L3MBTL4: variants seen among roughly 807,000 people sequenced by gnomAD.
The protein encoded by L3MBTL4 is lethal(3)malignant brain tumor-like protein 4.
A neutral mutation model predicts 84.5 loss-of-function variants in L3MBTL4; 70 were observed. The observed-to-expected ratio is 0.83, with a 90% confidence interval of 0.68 to 1.01. The LOEUF (loss-of-function observed/expected upper bound fraction) is 1.01. Among genes scored for constraint, L3MBTL4 ranks in the 50% least tolerant of loss-of-function variants. L3MBTL4 has a pLI of 0.00. For synonymous variants in L3MBTL4, 274 were observed against 259.8 expected (o/e 1.05, Z -0.52); for missense variants, 715 against 754.8 (o/e 0.95, Z 0.62).
intron 14 of L3MBTL4, among the ~76,000 whole-genome samples, chr18:6,109,281 T>C (rs1021030354): frequency 5.3e-5 from 8 of 152,138 alleles, no homozygotes; most frequent in Admixed American, 3.3e-4. Flanking sequence ...TTAAGAAACG[T>C]TTTTCTGTTT....
Position 6,171,836 on chromosome 18 carries a change from A to G in L3MBTL4, c.1088T>C (p.Val363Ala). 1 of 1,543,032 alleles carries G rather than the reference A, an allele frequency of 6.5e-7. No individual in the cohort carries two copies. Among genetic ancestry groups the G allele is most frequent in the African/African-American group, 1.4e-5 (1 of 73,082 alleles). The change falls in exon 13 of 19, where the codon GTG (valine) becomes GCG (alanine). Residue 363 changes from valine (V) to alanine (A), a missense_variant. Coordinates refer to ENST00000317931, the MANE Select transcript of L3MBTL4 (RefSeq NM_001330559.2). ...AAGAGCAAAGTACTCACGCTGTGGCACTTCCAGTGGATGCCCTGTGACATC... is the reference window on the plus strand; with the variant it reads ...AAGAGCAAAGTACTCACGCTGTGGCGCTTCCAGTGGATGCCCTGTGACATC... ...WCDVTGHPLE[V>A]PQRTNDLKIL...
At chr18:6,314,438 C>T (rs1224620611) in intron 1 of L3MBTL4, among the ~76,000 whole-genome samples, 1 of 152,164 alleles carries the variant, frequency 6.6e-6, no homozygotes, top group Non-Finnish European at 1.5e-5. Flanking sequence ...GAGCTGTGCC[C>T]GGTGTCCTCT....
intron 13 of L3MBTL4, among the ~76,000 whole-genome samples, chr18:6,143,344 G>T (rs1295653330): frequency 6.6e-6 from 1 of 152,094 alleles, no homozygotes; most frequent in East Asian, 1.9e-4. Flanking sequence ...AAGAACTGCA[G>T]CAAAAGACAT....
intron 14 of L3MBTL4, among the ~76,000 whole-genome samples, chr18:6,126,140 CAAAAA>C (rs2059686241): frequency 6.6e-6 from 1 of 151,892 alleles, no homozygotes; most frequent in South Asian, 2.1e-4. Context: ...TGGAAAAAAA[CAAAAA>C]AGACACAGAT....
chr18:6,108,249 A>G (rs2059078386), intron 14 of L3MBTL4, among the ~76,000 whole-genome samples: 1 of 152,170 alleles, frequency 6.6e-6, no homozygotes, highest in Admixed American at 6.5e-5. Context: ...GAACAACATC[A>G]CTGCAGCCAG....
intron 1 of L3MBTL4, among the ~76,000 whole-genome samples, chr18:6,400,430 G>A (rs2055462346): frequency 6.6e-6 from 1 of 152,146 alleles, no homozygotes; most frequent in South Asian, 2.1e-4. Context: ...TTGTTTTAGA[G>A]ACAAGGTCTT....
chr18:6,334,353 C>T (rs931657450), intron 1 of L3MBTL4, among the ~76,000 whole-genome samples: 4 of 152,030 alleles, frequency 2.6e-5, no homozygotes, highest in African/African-American at 9.7e-5. Context: ...ATTAACACCC[C>T]TAAGGGCACA....
intron 16 of L3MBTL4, among the ~76,000 whole-genome samples, chr18:6,028,416 C>A (rs1395490623): frequency 2.0e-5 from 3 of 152,134 alleles, no homozygotes; most frequent in Admixed American, 6.5e-5. Context: ...GGTAACAGTA[C>A]CATGCTGTTT....
At chr18:6,107,999 C>A (rs1038172832) in intron 14 of L3MBTL4, among the ~76,000 whole-genome samples, 5 of 152,128 alleles carry the variant, frequency 3.3e-5, no homozygotes, top group African/African-American at 1.2e-4. Flanking sequence ...CGTGCCATGC[C>A]AACAGGAAGG....
chr18:6,001,022 A>G (rs939848269), intron 16 of L3MBTL4, among the ~76,000 whole-genome samples: 2 of 152,214 alleles, frequency 1.3e-5, no homozygotes, highest in African/African-American at 2.4e-5. Flanking sequence ...TTCAGCTCTT[A>G]GAACAGTAGC....
At chr18:6,078,536 T>C (rs2057949955) in intron 16 of L3MBTL4, among the ~76,000 whole-genome samples, 1 of 148,948 alleles carries the variant, frequency 6.7e-6, no homozygotes, top group Admixed American at 6.7e-5. Flanking sequence ...AAATATTAAA[T>C]AATCGTTTAA....
intron 14 of L3MBTL4, among the ~76,000 whole-genome samples, chr18:6,126,222 T>C (rs2059689706): frequency 6.6e-6 from 1 of 152,238 alleles, no homozygotes; most frequent in African/African-American, 2.4e-5. Flanking sequence ...TTTAAATGCT[T>C]CTTTATATTG....
chr18:5,982,032 G>A (rs146095813), intron 16 of L3MBTL4, among the ~76,000 whole-genome samples: 444 of 140,482 alleles, frequency 3.2e-3, no homozygotes, highest in African/African-American at 0.012. Flanking sequence ...AAGGAAGAAC[G>A]AAAGCAAAAC....
At chr18:6,223,922 A>G (rs1202524820) in intron 10 of L3MBTL4, among the ~76,000 whole-genome samples, 7 of 152,210 alleles carry the variant, frequency 4.6e-5, no homozygotes, top group African/African-American at 1.7e-4. Context: ...TAAATGTGCT[A>G]AAAGCACTAA....
intron 4 of L3MBTL4, among the ~76,000 whole-genome samples, chr18:6,297,410 A>C (rs771383784): frequency 1.3e-5 from 2 of 152,208 alleles, no homozygotes; most frequent in Non-Finnish European, 2.9e-5. Context: ...TAGTGATGTC[A>C]ATGTTACTTA....
At chr18:6,030,140 T>C (rs1190362885) in intron 16 of L3MBTL4, 4 of 805,872 alleles carry the variant, frequency 5.0e-6, no homozygotes, top group South Asian at 5.7e-5. Context: ...TAAATACACA[T>C]ACACACATAT....
At chr18:6,264,084 G>A in intron 4 of L3MBTL4, 46 bp from the exon 5 acceptor site, 1 of 1,364,072 alleles carries the variant, frequency 7.3e-7, no homozygotes, top group Non-Finnish European at 1.0e-6. Flanking sequence ...ATTAGTGACA[G>A]GAAAATAATA....
chr18:6,139,011 C>A (rs2060116361), intron 13 of L3MBTL4, among the ~76,000 whole-genome samples: 1 of 152,092 alleles, frequency 6.6e-6, no homozygotes, highest in South Asian at 2.1e-4. Context: ...AGAAACTGGG[C>A]CAGCAAATGG....
chr18:5,975,770 G>T (rs1421788862), intron 16 of L3MBTL4, among the ~76,000 whole-genome samples: 2 of 152,214 alleles, frequency 1.3e-5, no homozygotes. Context: ...GGGAACAGGA[G>T]CTCCTCAGGA....
Sources: allele counts gnomAD v4.1 joint callset (sites outside exome capture counted in the v4.1 genomes callset), GRCh38; gene constraint gnomAD v4.1.1; transcripts MANE v1.5; gene names NCBI Gene and HGNC (gene_info 2026-07-23, HGNC 2026-07-21).